The following BCL2L1 variants were observed in gnomAD, a reference collection of about 807,000 sequenced individuals.
The protein encoded by BCL2L1 is bcl-2-like protein 1.
In BCL2L1, 1 loss-of-function variant was observed where a neutral mutation model predicts 18.7. The observed-to-expected ratio is 0.05, with a 90% confidence interval of 0.02 to 0.25. BCL2L1 has a LOEUF of 0.25. Among genes scored for constraint, BCL2L1 ranks in the 10% least tolerant of loss-of-function variants. The pLI, the probability that BCL2L1 is intolerant of heterozygous loss-of-function variation, is 1.00. For missense variants in BCL2L1, 207 were observed against 304.9 expected (o/e 0.68, Z 2.39); for synonymous variants, 103 against 122.7 (o/e 0.84, Z 1.06).
chr20:31,666,210 C>G, intron 2 of BCL2L1, 124 bp from the exon 3 acceptor site: 2 of 1,263,998 alleles, frequency 1.6e-6, no homozygotes, highest in Non-Finnish European at 2.2e-6. Context: ...TCTGTGCCCA[C>G]TCTGGGCCAG....
At chr20:31,706,271 C>CA (rs1347610653) in intron 2 of BCL2L1, among the ~76,000 whole-genome samples, 1 of 152,188 alleles carries the variant, frequency 6.6e-6, no homozygotes, top group Non-Finnish European at 1.5e-5. Flanking sequence ...CATTAATACT[C>CA]ACTTCTACTT....
intron 2 of BCL2L1, among the ~76,000 whole-genome samples, chr20:31,715,910 C>A (rs1041186377): frequency 1.3e-5 from 2 of 152,038 alleles, no homozygotes. Context: ...CGGCTCACTG[C>A]AACCTCCACC....
intron 2 of BCL2L1, among the ~76,000 whole-genome samples, chr20:31,717,584 C>T (rs1211209767): frequency 1.3e-5 from 2 of 152,148 alleles, no homozygotes; most frequent in Non-Finnish European, 2.9e-5. Flanking sequence ...TTTTGGGACC[C>T]GAATGAGATT....
At chr20:31,695,084 A>G (rs2061145191) in intron 2 of BCL2L1, among the ~76,000 whole-genome samples, 2 of 152,188 alleles carry the variant, frequency 1.3e-5, no homozygotes, top group African/African-American at 4.8e-5. Context: ...CCTCTTATCC[A>G]GCAAACATCA....
At chr20:31,669,822 T>C (rs962827405) in intron 2 of BCL2L1, among the ~76,000 whole-genome samples, 4 of 152,128 alleles carry the variant, frequency 2.6e-5, no homozygotes, top group Non-Finnish European at 4.4e-5. Context: ...GCTCTGTAAA[T>C]ACATGAGAAT....
At chr20:31,703,612 C>T (rs2061321197) in intron 2 of BCL2L1, among the ~76,000 whole-genome samples, 1 of 151,540 alleles carries the variant, frequency 6.6e-6, no homozygotes, top group African/African-American at 2.4e-5. Flanking sequence ...CTGCCTCAGC[C>T]TCCCGAGTAG....
At chr20:31,674,747 C>A (rs914404116) in intron 2 of BCL2L1, among the ~76,000 whole-genome samples, 7 of 151,810 alleles carry the variant, frequency 4.6e-5, no homozygotes, top group African/African-American at 1.7e-4. Flanking sequence ...TGTTGGCATG[C>A]ACCTATAGTC....
At chr20:31,697,892 G>GTTTTTTTTTTTTTGTTTTTTTGTTT (rs1319361227) in intron 2 of BCL2L1, among the ~76,000 whole-genome samples, 1 of 129,632 alleles carries the variant, frequency 7.7e-6, no homozygotes, top group Non-Finnish European at 1.6e-5. Flanking sequence ...TGCTGTTGCT[G>GTTTTTTTTTTTTTGTTTTTTTGTTT]TTTTTTTTTT....
intron 2 of BCL2L1, among the ~76,000 whole-genome samples, chr20:31,681,593 A>G (rs1292321046): frequency 6.6e-6 from 1 of 152,206 alleles, no homozygotes; most frequent in Non-Finnish European, 1.5e-5. Flanking sequence ...GTGAGCCATG[A>G]CTGCGCCACT....
Position 31,690,698 on chromosome 20 carries a change from G to C in BCL2L1, c.565-24612C>G, listed in dbSNP as rs560833333. On this transcript the variant is annotated intron_variant, in intron 2 of 2. Coordinates refer to ENST00000307677, the MANE Select transcript of BCL2L1 (RefSeq NM_138578.3). The stretch of plus-strand genomic sequence containing the variant: ...CAATTCTCATGTCTCAGCTTCCCAA[G>C]GAGCTGGGATTACAGGCGTGCGCCA... Among the ~76,000 whole-genome samples, 156 of 152,068 alleles carry C rather than the reference G, an allele frequency of 1.0e-3. 2 individuals carry two copies. Among genetic ancestry groups the C allele is most frequent in the Middle Eastern group, 3.4e-3 (1 of 294 alleles).
chr20:31,720,555 C>T, intron 2 of BCL2L1: 1 of 985,458 alleles, frequency 1.0e-6, no homozygotes, highest in Non-Finnish European at 1.2e-6. Flanking sequence ...ACCACCATCT[C>T]ATCCTGGCTC....
chr20:31,667,278 T>G (rs1469672517), intron 2 of BCL2L1, among the ~76,000 whole-genome samples: 1 of 152,148 alleles, frequency 6.6e-6, no homozygotes, highest in East Asian at 1.9e-4. Context: ...CTGGCCAACA[T>G]GGTGAAACCC....
chr20:31,714,240 C>T (rs182590194), intron 2 of BCL2L1, among the ~76,000 whole-genome samples: 1 of 152,164 alleles, frequency 6.6e-6, no homozygotes, highest in Non-Finnish European at 1.5e-5. Flanking sequence ...TACTTCAAAC[C>T]CTCCATCTTG....
chr20:31,723,717 G>A, upstream of BCL2L1: 1 of 985,500 alleles, frequency 1.0e-6, no homozygotes, highest in Non-Finnish European at 1.2e-6. Flanking sequence ...TCACGCACAG[G>A]GGAGGCGGCG....
chr20:31,720,554 T>G lies in BCL2L1; in HGVS notation c.564+1101A>C, dbSNP rs533765247. The G allele has an allele frequency of 3.0e-6, 3 of 985,416 alleles. No individual in the cohort carries two copies. The Admixed American group carries it at 1.8e-4, about 61-fold the overall frequency. The allele number at this position is 985,416 out of a possible 1,614,324, so 61.0% of individuals were successfully genotyped here. On this transcript the variant is annotated intron_variant, in intron 2 of 2. Coordinates refer to ENST00000307677, the MANE Select transcript of BCL2L1 (RefSeq NM_138578.3). Reference sequence around the variant, plus strand: ...TGGTAAAGAAGCTTTCACCACCATCTCATCCTGGCTCAGTGATGGGCAGGA... The same window carrying G: ...TGGTAAAGAAGCTTTCACCACCATCGCATCCTGGCTCAGTGATGGGCAGGA...
intron 2 of BCL2L1, among the ~76,000 whole-genome samples, chr20:31,705,287 T>C (rs2061354246): frequency 6.6e-6 from 1 of 152,214 alleles, no homozygotes; most frequent in African/African-American, 2.4e-5. Flanking sequence ...AAAATTACCT[T>C]AATACCTGCA....
chr20:31,679,540 C>T (rs1294851467), intron 2 of BCL2L1, among the ~76,000 whole-genome samples: 1 of 152,202 alleles, frequency 6.6e-6, no homozygotes, highest in Non-Finnish European at 1.5e-5. Flanking sequence ...CCCCTCCAAG[C>T]CTGGTGTTCC....
At chr20:31,668,310 A>ATTTTTCTTCTCAGTT (rs1295418924) in intron 2 of BCL2L1, among the ~76,000 whole-genome samples, 1 of 145,938 alleles carries the variant, frequency 6.9e-6, no homozygotes, top group Non-Finnish European at 1.5e-5. Context: ...ACCTTCCTTG[A>ATTTTTCTTCTCAGTT]TTTTTCTTCT....
At chr20:31,707,044 C>T (rs1482818565) in intron 2 of BCL2L1, among the ~76,000 whole-genome samples, 1 of 152,194 alleles carries the variant, frequency 6.6e-6, no homozygotes, top group Non-Finnish European at 1.5e-5. Flanking sequence ...CATGCTCCTA[C>T]CCACTTTAAA....
Sources: gnomAD v4.1 joint callset for allele counts (sites outside exome capture counted in the v4.1 genomes callset) on GRCh38, gnomAD v4.1.1 for gene constraint, MANE v1.5 for transcripts, NCBI Gene and HGNC (gene_info 2026-07-23, HGNC 2026-07-21) for gene names.